Variants in NASP observed in about 807,000 individuals in gnomAD.
NASP encodes NASP histone chaperone.
A neutral mutation model predicts 89.5 loss-of-function variants in NASP; 24 were observed. The ratio of observed to expected loss-of-function variants is 0.27; its 90% CI spans 0.19 to 0.38. The LOEUF (loss-of-function observed/expected upper bound fraction) is 0.38. NASP is among the 10% of genes least tolerant of loss of function. The probability of loss-of-function intolerance (pLI) is 1.00; values close to 1 mark genes in which losing one functional copy is unlikely to be tolerated. For missense variants in NASP, 848 were observed against 921.4 expected, an observed-to-expected ratio of 0.92 and a Z score of 1.03; for synonymous variants, 306 against 324.7, an observed-to-expected ratio of 0.94 and a Z score of 0.62.
chr1:45,588,378 A>G (rs774081167), intron 1 of NASP, among the ~76,000 whole-genome samples: 10 of 152,114 alleles, frequency 6.6e-5, no homozygotes, highest in Non-Finnish European at 1.2e-4. Flanking sequence ...TTCTGGGATT[A>G]TAGGCGTTAG....
intron 3 of NASP, among the ~76,000 whole-genome samples, chr1:45,603,775 A>G (rs1643879785): frequency 6.6e-6 from 1 of 151,770 alleles, no homozygotes. Context: ...ACGCCTGCCT[A>G]ATTTTGTATT....
intron 1 of NASP, among the ~76,000 whole-genome samples, chr1:45,589,768 G>T (rs2148329969): frequency 6.6e-6 from 1 of 152,160 alleles, no homozygotes; most frequent in Admixed American, 6.5e-5. Context: ...AGGCGTGGTG[G>T]TGGGCGCCTG....
chr1:45,607,720 T>C lies in NASP; in HGVS notation c.809T>C (p.Ile270Thr). The C allele has an allele frequency of 6.2e-7, 1 of 1,614,022 alleles. No homozygotes were observed. Among genetic ancestry groups the C allele is most frequent in the Non-Finnish European group, 8.5e-7 (1 of 1,180,004 alleles). ...AAGCAGGGAGAGGTAATTGTGAGCA[T>C]AGAGGAGAAGCCAAAAGAAGTTTCA... ...QEKQGEVIVS[I>T]EEKPKEVSEE... The change falls in exon 6 of 15, where the codon ATA (isoleucine) becomes ACA (threonine). Residue 270 changes from isoleucine (I) to threonine (T), a missense_variant. Coordinates refer to ENST00000350030, the MANE Select transcript of NASP (RefSeq NM_002482.4).
intron 2 of NASP, 54 bp downstream of exon 2, chr1:45,591,324 A>G: frequency 8.8e-7 from 1 of 1,142,038 alleles, no homozygotes; most frequent in Non-Finnish European, 1.3e-6. Flanking sequence ...AACTAAGAGC[A>G]ATATAACTTT....
intron 1 of NASP, among the ~76,000 whole-genome samples, chr1:45,586,076 G>A (rs987915379): frequency 6.6e-6 from 1 of 152,042 alleles, no homozygotes; most frequent in African/African-American, 2.4e-5. Context: ...TTATGTATAT[G>A]TGGCTAGAAG....
chr1:45,605,871 G>C (rs1011363862), intron 4 of NASP: 5 of 151,862 alleles, frequency 3.3e-5, no homozygotes, highest in African/African-American at 9.7e-5. Context: ...CTGCCTCCCC[G>C]GTTTGAGCGA....
chr1:45,603,262 G>A (rs1351702502), intron 3 of NASP, among the ~76,000 whole-genome samples: 1 of 152,148 alleles, frequency 6.6e-6, no homozygotes, highest in South Asian at 2.1e-4. Flanking sequence ...TCTATGGCGA[G>A]GTTTGAGTTT....
intron 6 of NASP, 21 bp downstream of exon 6, chr1:45,608,358 C>T (rs1287685546): frequency 6.3e-7 from 1 of 1,582,686 alleles, no homozygotes; most frequent in Non-Finnish European, 8.6e-7. Flanking sequence ...TATGCAAGAG[C>T]TGCAGTGGGT....
At chr1:45,609,304 AT>A (rs561870226) in intron 6 of NASP, 129 of 152,276 alleles carry the variant, frequency 8.5e-4, no homozygotes, top group African/African-American at 3.0e-3. Context: ...TAAGTTTTAG[AT>A]TTTCAGAGAC....
intron 2 of NASP, among the ~76,000 whole-genome samples, chr1:45,596,745 A>C (rs190860082): frequency 6.6e-6 from 1 of 152,184 alleles, no homozygotes; most frequent in Non-Finnish European, 1.5e-5. Flanking sequence ...GCATCCCAGT[A>C]CTTTGGGAGG....
intron 1 of NASP, among the ~76,000 whole-genome samples, chr1:45,589,244 C>T (rs1204669889): frequency 6.6e-6 from 1 of 152,140 alleles, no homozygotes; most frequent in East Asian, 1.9e-4. Context: ...CTTCCCATAT[C>T]AGTCTCTGGA....
At chr1:45,594,891 T>C (rs1268260341) in intron 2 of NASP, 1 of 287,964 alleles carries the variant, frequency 3.5e-6, no homozygotes, top group African/African-American at 2.2e-5. Context: ...CTTAAATTTA[T>C]AACCTCTGAC....
At chr1:45,615,667 C>G (rs191678008) in intron 11 of NASP, 196 bp downstream of exon 11, 20 of 554,504 alleles carry the variant, frequency 3.6e-5, no homozygotes, top group Admixed American at 7.0e-5. Flanking sequence ...TCCATACTTA[C>G]GTGTGGCCAT....
rs761705588 is a variant in NASP at position 45,614,202 on chromosome 1, A to G, written c.1592+21A>G. ...AAAAGGTAAAACTCTTGGTGCTTCT[A>G]GGCTTGGGTTGGGAGTTTGGTGGTT... On this transcript the variant is annotated intron_variant, in intron 8 of 14. Coordinates refer to ENST00000350030, the MANE Select transcript of NASP (RefSeq NM_002482.4). 1.5e-5 allele frequency: 24 copies of G among 1,603,436 alleles called. No homozygotes were observed. The South Asian group carries it at 2.3e-4, about 15-fold the overall frequency.
intron 14 of NASP, 60 bp from the exon 15 acceptor site, chr1:45,618,001 A>G (rs1644136201): frequency 6.8e-7 from 1 of 1,467,216 alleles, no homozygotes; most frequent in Non-Finnish European, 9.3e-7. Flanking sequence ...GGCCTCAGTT[A>G]TATAAGACAG....
intron 1 of NASP, among the ~76,000 whole-genome samples, chr1:45,586,290 T>TGTGTGTGTGTGTGTG (rs1644545729): frequency 1.0e-5 from 1 of 97,328 alleles, no homozygotes; most frequent in Non-Finnish European, 2.0e-5. Flanking sequence ...GTGTGGTGTG[T>TGTGTGTGTGTGTGTG]GTGTGTGTGT....
chr1:45,604,914 T>C (rs1437820554), intron 3 of NASP, 22 bp from the exon 4 acceptor site: 1 of 1,530,456 alleles, frequency 6.5e-7, no homozygotes, highest in South Asian at 1.2e-5. Flanking sequence ...ATTCAGATTT[T>C]AGATGTTTAT....
At position 45,587,678 on chromosome 1, in the gene NASP, ATATATATAT is replaced by A. The variant is rs1557647845; in HGVS notation, c.59+3474_59+3482del. 1.6e-4 allele frequency among the ~76,000 whole-genome samples: 14 copies of A among 88,608 alleles called. 1 individual carries two copies. The highest frequency in any genetic ancestry group is 2.7e-4 in the African/African-American group (6 of 22,492). The allele number at this position is 88,608 out of a possible 152,430, so 58.1% of individuals were successfully genotyped here. On this transcript the variant is annotated intron_variant, in intron 1 of 14. Transcript: ENST00000350030. ...AGTTTTTTCATATATATATATATAT[ATATATATAT>A]AATTAATTTTTTGGAGAGAGAGTCT...
At chr1:45,600,025 C>G (rs1643802371) in intron 2 of NASP, among the ~76,000 whole-genome samples, 1 of 125,444 alleles carries the variant, frequency 8.0e-6, no homozygotes, top group African/African-American at 3.1e-5. Flanking sequence ...TCCCTGTGGT[C>G]TTAGCTCATT....
Sources: gnomAD v4.1 joint callset for allele counts (sites outside exome capture counted in the v4.1 genomes callset) on GRCh38, gnomAD v4.1.1 for gene constraint, MANE v1.5 for transcripts, NCBI Gene and HGNC (gene_info 2026-07-23, HGNC 2026-07-21) for gene names.